Variants in SHANK2 observed in about 807,000 individuals in gnomAD.
SHANK2 encodes the protein SH3 and multiple ankyrin repeat domains 2, also known as SH3 and multiple ankyrin repeat domains protein 2.
SHANK2 carries 43 observed loss-of-function variants against 133.7 expected under a neutral mutation model. The ratio of observed to expected loss-of-function variants is 0.32; its 90% CI spans 0.25 to 0.41. The LOEUF (loss-of-function observed/expected upper bound fraction) is 0.41, where lower values mean the gene tolerates loss of function less well. SHANK2 is among the 10% of genes least tolerant of loss of function. The pLI, the probability that SHANK2 is intolerant of heterozygous loss-of-function variation, is 1.00. For synonymous variants in SHANK2, 1,017 were observed against 952.8 expected (o/e 1.07, Z -1.24); for missense variants, 1,994 against 2,235.8 (o/e 0.89, Z 2.18).
intron 2 of SHANK2, among the ~76,000 whole-genome samples, chr11:71,167,186 C>T (rs1356012950): frequency 5.9e-5 from 9 of 152,198 alleles, no homozygotes; most frequent in African/African-American, 2.2e-4. Flanking sequence ...CCACGTCTAC[C>T]TCTTTCTACA....
intron 2 of SHANK2, among the ~76,000 whole-genome samples, chr11:71,202,527 T>A (rs1555117298): frequency 6.6e-6 from 1 of 152,144 alleles, no homozygotes; most frequent in African/African-American, 2.4e-5. Flanking sequence ...CTCAACATCA[T>A]ACCCACATCT....
chr11:71,173,874 A>T (rs1215421289), intron 2 of SHANK2, among the ~76,000 whole-genome samples: 1 of 152,198 alleles, frequency 6.6e-6, no homozygotes, highest in Non-Finnish European at 1.5e-5. Context: ...AAGCCAAGGA[A>T]CATCCAGGGC....
chr11:70,949,791 G>C (rs528291131), intron 10 of SHANK2, among the ~76,000 whole-genome samples: 1 of 152,224 alleles, frequency 6.6e-6, no homozygotes, highest in Non-Finnish European at 1.5e-5. Flanking sequence ...CTGTTCCTAC[G>C]GTAGGGCTGA....
intron 9 of SHANK2, among the ~76,000 whole-genome samples, chr11:71,069,460 C>T: frequency 6.6e-6 from 1 of 152,164 alleles, no homozygotes; most frequent in East Asian, 1.9e-4. Flanking sequence ...ACCACCATCG[C>T]CAGCCTCATG....
chr11:70,876,765 G>A (rs2135563288), intron 11 of SHANK2, among the ~76,000 whole-genome samples: 1 of 152,252 alleles, frequency 6.6e-6, no homozygotes, highest in East Asian at 1.9e-4. Context: ...CAGGGCTGCT[G>A]CTGAGCGCAG....
intron 15 of SHANK2, among the ~76,000 whole-genome samples, chr11:70,681,229 C>T (rs1945022882): frequency 6.6e-6 from 1 of 152,152 alleles, no homozygotes. Flanking sequence ...CGTGGGGTCC[C>T]TTTTCTCTTG....
intron 14 of SHANK2, among the ~76,000 whole-genome samples, chr11:70,766,940 G>A (rs1947135445): frequency 6.6e-6 from 1 of 152,344 alleles, no homozygotes; most frequent in South Asian, 2.1e-4. Flanking sequence ...GAGCTGGTTA[G>A]CGCTCCTTAG....
chr11:71,113,918 G>A (rs1455442856), intron 4 of SHANK2, among the ~76,000 whole-genome samples: 1 of 152,156 alleles, frequency 6.6e-6, no homozygotes, highest in Non-Finnish European at 1.5e-5. Context: ...TTACATCACT[G>A]CATGAACCAA....
rs1247828262 is a variant in SHANK2, at chr11:70,747,075, C to T, written c.1778-48312G>A. ...TGCACTCCCTGCTCAGTCTCTTCCC[C>T]TGGCTCATCCATGGTCCCCACGAGT... is the stretch of plus-strand genomic sequence containing the variant. On this transcript the variant is annotated intron_variant, in intron 14 of 25. Coordinates refer to ENST00000601538, the MANE Select transcript of SHANK2 (RefSeq NM_012309.5). Among the ~76,000 whole-genome samples the T allele has an allele frequency of 6.7e-4, 100 of 149,796 alleles. 2 individuals carry two copies. Among genetic ancestry groups the T allele is most frequent in the Non-Finnish European group, 8.9e-5 (6 of 67,796 alleles).
In SHANK2 at chr11:70,807,268, C is replaced by T. The variant is rs916434063; in HGVS notation, c.1494-97G>A. ...CAGCCAAGCCATTCAACGCATGCTGCGCCTCGGCTGGCCGCATCAGAACTC... is the reference window on the plus strand; with the variant it reads ...CAGCCAAGCCATTCAACGCATGCTGTGCCTCGGCTGGCCGCATCAGAACTC... On this transcript the variant is annotated intron_variant, in intron 12 of 25. Coordinates refer to ENST00000601538, the MANE Select transcript of SHANK2 (RefSeq NM_012309.5). The surrounding 1 kb of genome is among the most constrained non-coding windows in gnomAD (Gnocchi z 4.8). 6.5e-5 allele frequency: 44 copies of T among 672,114 alleles called. No homozygotes were observed. The highest frequency in any genetic ancestry group is 4.8e-4 in the Middle Eastern group (2 of 4,206). The allele number at this position is 672,114 out of a possible 1,614,324, so 41.6% of individuals were successfully genotyped here.
chr11:71,118,711 G>C lies in SHANK2; in HGVS notation c.411+118C>G, dbSNP rs1230159509. On this transcript the variant is annotated intron_variant, in intron 4 of 25. Coordinates refer to ENST00000601538, the MANE Select transcript of SHANK2 (RefSeq NM_012309.5). ...GACCCCAGACTGATTTTTAAATGTGGGGATAATTTCCCAATGCAAATGGAA... is the reference window on the plus strand; with the variant it reads ...GACCCCAGACTGATTTTTAAATGTGCGGATAATTTCCCAATGCAAATGGAA... 5 of 883,428 alleles carry C rather than the reference G, an allele frequency of 5.7e-6. No individual in the cohort carries two copies. In the African/African-American group the frequency reaches 8.5e-5, roughly 15 times the overall value. 54.7% of individuals were successfully genotyped at this position (883,428 alleles called of 1,614,324 possible).
intron 14 of SHANK2, among the ~76,000 whole-genome samples, chr11:70,771,987 G>A (rs1947260359): frequency 6.6e-6 from 1 of 152,190 alleles, no homozygotes; most frequent in Non-Finnish European, 1.5e-5. Context: ...CTCTAAGGAT[G>A]AGGACGGCTC....
chr11:71,210,231 TATATATATATATATATATA>T (rs1954234452), intron 2 of SHANK2, among the ~76,000 whole-genome samples: 17 of 70,064 alleles, frequency 2.4e-4, no homozygotes, highest in East Asian at 3.7e-4. Flanking sequence ...TATATATATA[TATATATATATATATATATA>T]TATTTATTTA....
intron 14 of SHANK2, among the ~76,000 whole-genome samples, chr11:70,793,793 G>A (rs1947848284): frequency 6.6e-6 from 1 of 152,242 alleles, no homozygotes; most frequent in Admixed American, 6.5e-5. Context: ...AAATGAAAAT[G>A]TTATCATACA....
At position 71,234,977 on chromosome 11, in the gene SHANK2, G is replaced by A. The variant is rs372147689; in HGVS notation, c.-112-10181C>T. Among the ~76,000 whole-genome samples, 9 of 152,244 alleles carry A rather than the reference G, an allele frequency of 5.9e-5. No homozygotes were observed. The East Asian group carries it at 1.4e-3, about 23-fold the overall frequency. ...ATGGAGACACGAAACATGAGCTACC[G>A]TACAACGGAGTATCTCCAGCCATAA... On this transcript the variant is annotated intron_variant, in intron 1 of 25. Transcript: ENST00000601538.
At chr11:70,797,441 G>A (rs558676470) in intron 14 of SHANK2, among the ~76,000 whole-genome samples, 11 of 152,320 alleles carry the variant, frequency 7.2e-5, no homozygotes, top group East Asian at 1.9e-4. Context: ...CTGAGTCCCC[G>A]TTGAAGCCAA....
intron 14 of SHANK2, among the ~76,000 whole-genome samples, chr11:70,782,865 C>T (rs928838375): frequency 2.2e-4 from 34 of 152,274 alleles, no homozygotes; most frequent in African/African-American, 2.6e-4. Flanking sequence ...CGGAAGGGCC[C>T]GTCAGTAGTG....
intron 2 of SHANK2, among the ~76,000 whole-genome samples, chr11:71,160,898 A>G (rs1238600393): frequency 2.0e-5 from 3 of 152,238 alleles, no homozygotes; most frequent in Non-Finnish European, 2.9e-5. Context: ...CTCCTGAGAC[A>G]TGTCTGTCTC....
chr11:71,172,209 C>G (rs1555112318), intron 2 of SHANK2, among the ~76,000 whole-genome samples: 1 of 152,206 alleles, frequency 6.6e-6, no homozygotes, highest in Admixed American at 6.5e-5. Context: ...CCTGCCAGCT[C>G]TCTTCCCTGA....
Sources: gnomAD v4.1 joint callset for allele counts (sites outside exome capture counted in the v4.1 genomes callset) on GRCh38, gnomAD v4.1.1 for gene constraint, Gnocchi (gnomAD v3.1) non-coding constraint, MANE v1.5 for transcripts, NCBI Gene and HGNC (gene_info 2026-07-23, HGNC 2026-07-21) for gene names.